The following NYAP2 variants were observed in gnomAD, a reference collection of about 807,000 sequenced individuals.
The protein encoded by NYAP2 is neuronal tyrosine-phosphorylated phosphoinositide-3-kinase adapter 2.
NYAP2 carries 23 observed loss-of-function variants against 50.4 expected under a neutral mutation model. The observed-to-expected ratio is 0.46, with a 90% CI of 0.33 to 0.65. The LOEUF is 0.65. NYAP2 is among the 30% of genes least tolerant of loss of function. The pLI is 0.02. For synonymous variants in NYAP2, 394 were observed against 365.2 expected (o/e 1.08, Z -0.90); for missense variants, 885 against 861.0 (o/e 1.03, Z -0.35).
intron 3 of NYAP2, among the ~76,000 whole-genome samples, chr2:225,440,901 A>G (rs1007259222): frequency 6.6e-6 from 1 of 152,182 alleles, no homozygotes; most frequent in Non-Finnish European, 1.5e-5. Context: ...AGAGACGTCA[A>G]ACAAAATCTG....
At chr2:225,469,951 T>C (rs773191613) in intron 3 of NYAP2, among the ~76,000 whole-genome samples, 6 of 152,252 alleles carry the variant, frequency 3.9e-5, no homozygotes, top group Admixed American at 6.5e-5. Context: ...TATACCTGTG[T>C]AACAAAACTG....
At chr2:225,585,732 T>C (rs1434867481) in intron 5 of NYAP2, among the ~76,000 whole-genome samples, 2 of 152,224 alleles carry the variant, frequency 1.3e-5, no homozygotes, top group Non-Finnish European at 2.9e-5. Flanking sequence ...CAAATTGCTG[T>C]TTATTTTTGA....
intron 5 of NYAP2, among the ~76,000 whole-genome samples, chr2:225,599,080 C>A (rs1260395692): frequency 6.6e-6 from 1 of 152,136 alleles, no homozygotes; most frequent in Admixed American, 6.6e-5. Context: ...CAGTCTCTTT[C>A]TCTTCCTCTC....
intron 3 of NYAP2, among the ~76,000 whole-genome samples, chr2:225,446,090 A>C (rs1169071374): frequency 6.6e-6 from 1 of 151,716 alleles, no homozygotes; most frequent in Admixed American, 6.6e-5. Context: ...CTAAGGCAGG[A>C]GAACCATTCG....
intron 5 of NYAP2, among the ~76,000 whole-genome samples, chr2:225,610,584 T>A (rs1339502021): frequency 6.6e-6 from 1 of 152,116 alleles, no homozygotes; most frequent in Non-Finnish European, 1.5e-5. Context: ...TAATTGAAAA[T>A]TTCTGTTATA....
Position 225,498,617 on chromosome 2 carries a change from T to C in NYAP2, c.222-14754T>C, listed in dbSNP as rs555104464. 3.3e-5 allele frequency among the ~76,000 whole-genome samples: 5 copies of C among 151,844 alleles called. No homozygotes were observed. In the South Asian group the frequency reaches 1.0e-3, roughly 32 times the overall value. Reference sequence around the variant, plus strand: ...TGAATGCATTATTGCTAGGGAAAACTGAGACAAATAATCCAAGTAAGAATA... The same window carrying C: ...TGAATGCATTATTGCTAGGGAAAACCGAGACAAATAATCCAAGTAAGAATA... On this transcript the variant is annotated intron_variant, in intron 3 of 6. Transcript: ENST00000636099.
intron 4 of NYAP2, among the ~76,000 whole-genome samples, chr2:225,536,310 G>T (rs539135031): frequency 5.7e-4 from 87 of 152,128 alleles, no homozygotes; most frequent in Non-Finnish European, 1.0e-3. Flanking sequence ...ATTCCCTCTT[G>T]CCCTGAAAAA....
the NYAP2 span, among the ~76,000 whole-genome samples, chr2:225,677,038 G>A: frequency 1.3e-5 from 2 of 152,204 alleles, no homozygotes; most frequent in Non-Finnish European, 2.9e-5. Context: ...CAACCCATGA[G>A]CATGGAATAA....
intron 3 of NYAP2, among the ~76,000 whole-genome samples, chr2:225,456,806 C>T (rs1187265070): frequency 1.3e-5 from 2 of 152,144 alleles, no homozygotes; most frequent in African/African-American, 4.8e-5. Context: ...CCCCAGCTAG[C>T]TTCCCTATCT....
downstream of NYAP2, among the ~76,000 whole-genome samples, chr2:225,655,523 G>A (rs956369047): frequency 6.6e-6 from 1 of 152,132 alleles, no homozygotes; most frequent in Non-Finnish European, 1.5e-5. Flanking sequence ...TATACTTGGA[G>A]CACGTTACTT....
chr2:225,533,893 C>T (rs1337041899), intron 4 of NYAP2, among the ~76,000 whole-genome samples: 1 of 152,052 alleles, frequency 6.6e-6, no homozygotes, highest in Non-Finnish European at 1.5e-5. Context: ...TAAACATTTG[C>T]TATCAGATAA....
At chr2:225,411,631 C>A (rs1695041937) in intron 3 of NYAP2, among the ~76,000 whole-genome samples, 1 of 151,596 alleles carries the variant, frequency 6.6e-6, no homozygotes, top group African/African-American at 2.4e-5. Flanking sequence ...CCAGGGTTGC[C>A]CCCTGGAGGC....
At chr2:225,409,722 G>C (rs1326574832) in intron 3 of NYAP2, among the ~76,000 whole-genome samples, 1 of 151,996 alleles carries the variant, frequency 6.6e-6, no homozygotes, top group Admixed American at 6.6e-5. Flanking sequence ...TCCAAATTGA[G>C]GTTAAATTTC....
intron 5 of NYAP2, among the ~76,000 whole-genome samples, chr2:225,590,816 G>T (rs1207402638): frequency 6.6e-6 from 1 of 152,186 alleles, no homozygotes; most frequent in Non-Finnish European, 1.5e-5. Flanking sequence ...ACTACCTGTG[G>T]ATTCTCCCAG....
At chr2:225,534,196 C>T (rs1431462264) in intron 4 of NYAP2, among the ~76,000 whole-genome samples, 2 of 152,152 alleles carry the variant, frequency 1.3e-5, no homozygotes, top group Non-Finnish European at 2.9e-5. Flanking sequence ...GTGCATACAA[C>T]GATAAGCAGC....
chr2:225,572,947 T>G (rs1692101712), intron 4 of NYAP2, among the ~76,000 whole-genome samples: 1 of 152,296 alleles, frequency 6.6e-6, no homozygotes, highest in East Asian at 1.9e-4. Flanking sequence ...GTCTCTGATT[T>G]CAATCCAGAT....
intron 3 of NYAP2, among the ~76,000 whole-genome samples, chr2:225,484,192 A>G (rs1486553244): frequency 5.3e-5 from 8 of 152,218 alleles, no homozygotes; most frequent in African/African-American, 1.9e-4. Context: ...GCCAACAGCA[A>G]TTAAAGGCCT....
intron 6 of NYAP2, among the ~76,000 whole-genome samples, chr2:225,645,087 C>T (rs1003801006): frequency 2.0e-5 from 3 of 152,060 alleles, no homozygotes; most frequent in Admixed American, 2.0e-4. Flanking sequence ...TGGTGAAACC[C>T]TGTCTCTGCT....
chr2:225,607,275 G>GT (rs1475397812), intron 5 of NYAP2, among the ~76,000 whole-genome samples: 1 of 151,998 alleles, frequency 6.6e-6, no homozygotes, highest in Non-Finnish European at 1.5e-5. Context: ...AATGTACCCA[G>GT]TGACACACAG....
Sources: allele counts gnomAD v4.1 joint callset (sites outside exome capture counted in the v4.1 genomes callset), GRCh38; gene constraint gnomAD v4.1.1; transcripts MANE v1.5; gene names NCBI Gene and HGNC (gene_info 2026-07-23, HGNC 2026-07-21).